Variants in PLEKHM3 observed in about 807,000 individuals in gnomAD.
PLEKHM3 encodes pleckstrin homology domain-containing family M member 3.
In PLEKHM3, 45 loss-of-function variants were observed where a neutral mutation model predicts 81.8. That is an observed-to-expected ratio of 0.55 (90% CI 0.43 to 0.71). The LOEUF (loss-of-function observed/expected upper bound fraction) is 0.71. PLEKHM3 is among the 30% of genes least tolerant of loss of function. PLEKHM3 has a pLI of 0.00. For synonymous variants in PLEKHM3, 352 were observed against 356.4 expected, an observed-to-expected ratio of 0.99 and a Z score of 0.14; for missense variants, 788 against 924.3, an observed-to-expected ratio of 0.85 and a Z score of 1.91.
intron 7 of PLEKHM3, among the ~76,000 whole-genome samples, chr2:207,833,160 C>T (rs1047121520): frequency 6.7e-6 from 1 of 150,070 alleles, no homozygotes; most frequent in African/African-American, 2.4e-5. Flanking sequence ...TGAGTACTCA[C>T]TGAGTTTCTT....
intron 3 of PLEKHM3, among the ~76,000 whole-genome samples, chr2:207,965,368 A>C (rs1210549168): frequency 6.6e-6 from 1 of 151,772 alleles, no homozygotes; most frequent in Non-Finnish European, 1.5e-5. Context: ...TATAGCAACA[A>C]AGACTAGGAG....
At chr2:207,884,084 A>G (rs897062349) in intron 6 of PLEKHM3, among the ~76,000 whole-genome samples, 3 of 152,102 alleles carry the variant, frequency 2.0e-5, no homozygotes, top group African/African-American at 7.2e-5. Flanking sequence ...GGACTGCTTG[A>G]GCTCAGGAGT....
At chr2:207,833,111 CAAAAAA>C (rs71036960) in intron 7 of PLEKHM3, among the ~76,000 whole-genome samples, 1 of 76,872 alleles carries the variant, frequency 1.3e-5, no homozygotes, top group Non-Finnish European at 2.6e-5. Flanking sequence ...GACACCATCT[CAAAAAA>C]AAAAAAAAAA....
intron 6 of PLEKHM3, among the ~76,000 whole-genome samples, chr2:207,887,662 AG>A (rs1687921489): frequency 6.6e-6 from 1 of 152,238 alleles, no homozygotes; most frequent in African/African-American, 2.4e-5. Context: ...CAGTAGTTCT[AG>A]GGGACTCCTA....
chr2:207,842,794 C>T (rs2092361784), intron 7 of PLEKHM3, among the ~76,000 whole-genome samples: 1 of 152,072 alleles, frequency 6.6e-6, no homozygotes, highest in Non-Finnish European at 1.5e-5. Context: ...TTATTTTTTT[C>T]AACACCACAC....
chr2:207,967,439 A>G (rs1045234100), intron 3 of PLEKHM3, among the ~76,000 whole-genome samples: 10 of 152,246 alleles, frequency 6.6e-5, no homozygotes, highest in Middle Eastern at 3.4e-3. Flanking sequence ...ATAGAGGACT[A>G]TTTCTCCCTA....
At chr2:207,909,916 A>G (rs1688756923) in intron 5 of PLEKHM3, among the ~76,000 whole-genome samples, 1 of 152,222 alleles carries the variant, frequency 6.6e-6, no homozygotes, top group Admixed American at 6.5e-5. Flanking sequence ...ATATTGATTA[A>G]GCACACATTG....
intron 2 of PLEKHM3, among the ~76,000 whole-genome samples, chr2:207,982,090 T>C (rs946746403): frequency 1.3e-5 from 2 of 152,228 alleles, no homozygotes; most frequent in East Asian, 1.9e-4. Context: ...ACTTAATGAA[T>C]AGTAAATATA....
chr2:207,917,529 T>C (rs553102040), intron 5 of PLEKHM3, among the ~76,000 whole-genome samples: 1 of 152,254 alleles, frequency 6.6e-6, no homozygotes, highest in Admixed American at 6.5e-5. Context: ...CTCCAGTCTG[T>C]GTAGATTGTG....
chr2:208,003,312 A>G (rs1692376322), intron 1 of PLEKHM3, among the ~76,000 whole-genome samples: 2 of 152,204 alleles, frequency 1.3e-5, no homozygotes, highest in Admixed American at 1.3e-4. Context: ...GTATATCTTT[A>G]TCAGCAGTGT....
intron 5 of PLEKHM3, among the ~76,000 whole-genome samples, chr2:207,922,737 G>A (rs1395917248): frequency 4.6e-5 from 7 of 152,020 alleles, no homozygotes; most frequent in Non-Finnish European, 8.8e-5. Context: ...GTGTGAACCC[G>A]GGAGGCAGAA....
chr2:208,021,520 T>C (rs1227801294), intron 1 of PLEKHM3, among the ~76,000 whole-genome samples: 1 of 152,248 alleles, frequency 6.6e-6, no homozygotes, highest in African/African-American at 2.4e-5. Flanking sequence ...CATAATTACA[T>C]TATTTATGGA....
chr2:207,891,032 T>C (rs533320534), intron 6 of PLEKHM3, among the ~76,000 whole-genome samples: 1 of 152,322 alleles, frequency 6.6e-6, no homozygotes, highest in Admixed American at 6.5e-5. Context: ...ATGTCAGAGA[T>C]GGAAAAATTG....
intron 5 of PLEKHM3, among the ~76,000 whole-genome samples, chr2:207,914,869 A>T (rs1688932941): frequency 6.6e-6 from 1 of 152,162 alleles, no homozygotes; most frequent in South Asian, 2.1e-4. Flanking sequence ...ACGTCACTGT[A>T]TTGCAGGGGC....
intron 6 of PLEKHM3, among the ~76,000 whole-genome samples, chr2:207,884,751 T>C (rs1052582582): frequency 1.2e-4 from 19 of 152,358 alleles, no homozygotes; most frequent in Middle Eastern, 6.8e-3. Flanking sequence ...TTTAAATATG[T>C]ATTGAAAATA....
At chr2:207,897,066 G>A (rs1688248657) in intron 6 of PLEKHM3, among the ~76,000 whole-genome samples, 1 of 152,202 alleles carries the variant, frequency 6.6e-6, no homozygotes, top group Non-Finnish European at 1.5e-5. Context: ...GAGGGTGGGG[G>A]CTCTCCAGGT....
chr2:207,975,212 T>C (rs1691265222), intron 3 of PLEKHM3, among the ~76,000 whole-genome samples: 2 of 152,186 alleles, frequency 1.3e-5, no homozygotes, highest in African/African-American at 4.8e-5. Flanking sequence ...CTGAGGCCCT[T>C]GAGTCAAAGC....
chr2:208,012,797 C>G (rs913023725), intron 1 of PLEKHM3, among the ~76,000 whole-genome samples: 2 of 152,236 alleles, frequency 1.3e-5, no homozygotes, highest in Non-Finnish European at 2.9e-5. Flanking sequence ...CAGAGAAGCA[C>G]AAATGTGGAC....
intron 1 of PLEKHM3, among the ~76,000 whole-genome samples, chr2:208,021,092 G>C (rs1012587093): frequency 2.6e-5 from 4 of 152,166 alleles, no homozygotes; most frequent in Non-Finnish European, 5.9e-5. Flanking sequence ...CTATATACAA[G>C]ATTAAACTGT....
Sources: gnomAD v4.1 joint callset for allele counts (sites outside exome capture counted in the v4.1 genomes callset) on GRCh38, gnomAD v4.1.1 for gene constraint, MANE v1.5 for transcripts, NCBI Gene and HGNC (gene_info 2026-07-23, HGNC 2026-07-21) for gene names.